Variants in CHD1L observed in about 807,000 individuals in gnomAD.
The protein encoded by CHD1L is ATP-dependent chromatin remodeler CHD1L.
A neutral mutation model predicts 115.9 loss-of-function variants in CHD1L; 118 were observed. The observed-to-expected ratio is 1.02, with a 90% CI of 0.88 to 1.19. CHD1L has a LOEUF of 1.19. CHD1L is among the 50% of genes most tolerant of loss of function. The pLI, the probability that CHD1L is intolerant of heterozygous loss-of-function variation, is 0.00. For synonymous variants in CHD1L, 411 were observed against 387.1 expected (o/e 1.06, Z -0.72); for missense variants, 1,179 against 1,065.3 (o/e 1.11, Z -1.49).
chr1:147,193,179 A>G, the CHD1L span, among the ~76,000 whole-genome samples: 2 of 152,122 alleles, frequency 1.3e-5, no homozygotes, highest in African/African-American at 4.8e-5. Flanking sequence ...TATTGCCACA[A>G]TTTCAGAGCC....
At chr1:147,248,127 T>A (rs1553934658) in intron 1 of CHD1L, among the ~76,000 whole-genome samples, 1 of 152,232 alleles carries the variant, frequency 6.6e-6, no homozygotes, top group Admixed American at 6.5e-5. Context: ...CTTTTACTTT[T>A]CACTTATTTA....
At chr1:147,257,098 A>G (rs17160059) in intron 5 of CHD1L, among the ~76,000 whole-genome samples, 5,685 of 152,246 alleles carry the variant, frequency 0.037, 261 homozygotes, top group African/African-American at 0.11. Context: ...AATACCACCT[A>G]ATAATGGGAA....
chr1:147,236,240 G>T, the CHD1L span, among the ~76,000 whole-genome samples: 3 of 152,216 alleles, frequency 2.0e-5, no homozygotes, highest in African/African-American at 7.2e-5. Flanking sequence ...CCCAAAGAGG[G>T]TGTCACAGCC....
chr1:147,267,560 G>A (rs782021015), intron 9 of CHD1L, 42 bp downstream of exon 9: 21 of 1,488,140 alleles, frequency 1.4e-5, no homozygotes, highest in Admixed American at 3.6e-5. Flanking sequence ...CTTTGGTAAT[G>A]TTTCTGTGGC....
the CHD1L span, chr1:147,201,324 T>C: frequency 0.078 from 125,158 of 1,614,058 alleles, 5,536 homozygotes; most frequent in African/African-American, 0.15. Flanking sequence ...CTTCCAGAAA[T>C]GGAAAGTCAA....
At chr1:147,288,801 C>T (rs1334427261) in intron 19 of CHD1L, among the ~76,000 whole-genome samples, 1 of 152,048 alleles carries the variant, frequency 6.6e-6, no homozygotes, top group East Asian at 1.9e-4. Flanking sequence ...TATAACACTC[C>T]CTGGAGACAG....
the CHD1L span, among the ~76,000 whole-genome samples, chr1:147,217,280 A>G: frequency 4.6e-5 from 7 of 152,260 alleles, no homozygotes; most frequent in East Asian, 1.9e-4. Context: ...ACTTCCTATT[A>G]ACTATCTTAT....
intron 19 of CHD1L, among the ~76,000 whole-genome samples, chr1:147,288,629 T>C (rs1684330477): frequency 6.6e-6 from 1 of 152,126 alleles, no homozygotes; most frequent in South Asian, 2.1e-4. Flanking sequence ...TGCAATGAGC[T>C]GAGATCATGC....
chr1:147,256,705 G>A (rs1670283620), intron 5 of CHD1L, 143 bp downstream of exon 5: 1 of 721,044 alleles, frequency 1.4e-6, no homozygotes, highest in Non-Finnish European at 2.4e-6. Flanking sequence ...GGCATGGTGG[G>A]AGTCCTGTGT....
the CHD1L span, among the ~76,000 whole-genome samples, chr1:147,231,747 C>G: frequency 6.6e-6 from 1 of 152,094 alleles, no homozygotes; most frequent in African/African-American, 2.4e-5. Context: ...GGGATATAAT[C>G]TCCTGGTGTG....
At chr1:147,274,319 TATC>T (rs1677439432) in intron 12 of CHD1L, among the ~76,000 whole-genome samples, 1 of 152,088 alleles carries the variant, frequency 6.6e-6, no homozygotes, top group South Asian at 2.1e-4. Context: ...TAAGTGTCAT[TATC>T]ATTATTATTA....
the CHD1L span, among the ~76,000 whole-genome samples, chr1:147,230,999 T>A: frequency 3.2e-4 from 49 of 152,294 alleles, no homozygotes; most frequent in Admixed American, 2.8e-3. Flanking sequence ...TTTGTGTCTC[T>A]ATTTCCTTCA....
chr1:147,273,031 C>G (rs1199820354), intron 12 of CHD1L, among the ~76,000 whole-genome samples: 1 of 151,986 alleles, frequency 6.6e-6, no homozygotes. Flanking sequence ...GAAACCCCGT[C>G]TCTACTTAAA....
the CHD1L span, among the ~76,000 whole-genome samples, chr1:147,195,220 T>C: frequency 2.6e-5 from 4 of 152,168 alleles, no homozygotes; most frequent in Non-Finnish European, 5.9e-5. Flanking sequence ...TTTATTCTTT[T>C]TTCTCTAAAC....
the CHD1L span, chr1:147,208,685 C>T: frequency 4.4e-5 from 24 of 542,698 alleles, no homozygotes; most frequent in East Asian, 4.3e-4. Context: ...GTGATCCACC[C>T]GCCTCCGCCT....
chr1:147,290,973 C>A (rs782008068), intron 19 of CHD1L, among the ~76,000 whole-genome samples: 1 of 152,264 alleles, frequency 6.6e-6, no homozygotes, highest in Middle Eastern at 3.4e-3. Flanking sequence ...GTTTTTAACA[C>A]AAGCATCTCT....
intron 17 of CHD1L, among the ~76,000 whole-genome samples, chr1:147,285,730 GCT>G (rs1320221766): frequency 3.4e-4 from 51 of 152,238 alleles, no homozygotes; most frequent in African/African-American, 1.1e-3. Flanking sequence ...ATGGGTTCTT[GCT>G]CTGTTACCCA....
Position 147,265,913 on chromosome 1 carries a change from A to ATT in CHD1L, c.740-11_740-10dup. The ATT allele has an allele frequency of 6.4e-7, 1 of 1,563,978 alleles. No individual in the cohort carries two copies. Among genetic ancestry groups the ATT allele is most frequent in the South Asian group, 1.2e-5 (1 of 84,888 alleles). On this transcript the variant is annotated intron_variant, in intron 7 of 22. Coordinates refer to ENST00000369258, the MANE Select transcript of CHD1L (RefSeq NM_004284.6). ...TCTACTTTTGTCCCACACTTCTTGT[A>ATT]TTTTTTTTTCTTATGTAGCAAGTGA...
chr1:147,295,370 G>A (rs1687151876), intron 22 of CHD1L, 61 bp from the exon 23 acceptor site: 3 of 1,076,254 alleles, frequency 2.8e-6, no homozygotes, highest in Non-Finnish European at 2.9e-6. Context: ...TAGAGAACTA[G>A]TCGTTTTGGT....
Sources: gnomAD v4.1 joint callset for allele counts (sites outside exome capture counted in the v4.1 genomes callset) on GRCh38, gnomAD v4.1.1 for gene constraint, MANE v1.5 for transcripts, NCBI Gene and HGNC (gene_info 2026-07-23, HGNC 2026-07-21) for gene names.